The following POLR3B variants were observed in gnomAD, a reference collection of about 807,000 sequenced individuals.
POLR3B encodes the protein DNA-directed RNA polymerase III subunit RPC2.
A neutral mutation model predicts 147.4 loss-of-function variants in POLR3B; 96 were observed. The ratio of observed to expected loss-of-function variants is 0.65; its 90% CI spans 0.55 to 0.77. The LOEUF (loss-of-function observed/expected upper bound fraction) is 0.77, where lower values mean the gene tolerates loss of function less well. Among genes scored for constraint, POLR3B ranks in the 30% least tolerant of loss-of-function variants. The probability of loss-of-function intolerance (pLI) is 0.00; values close to 1 mark genes in which losing one functional copy is unlikely to be tolerated. For missense variants in POLR3B, 1,036 were observed against 1,413.5 expected (o/e 0.73, Z 4.28); for synonymous variants, 461 against 485.9 (o/e 0.95, Z 0.67).
chr12:106,446,260 G>A (rs1287465021), intron 19 of POLR3B: 8 of 455,776 alleles, frequency 1.8e-5, no homozygotes, highest in Admixed American at 7.1e-5. Flanking sequence ...CAGAATTAAC[G>A]GAAGACTAAT....
chr12:106,507,827 T>A, intron 27 of POLR3B: 1 of 455,826 alleles, frequency 2.2e-6, no homozygotes, highest in Non-Finnish European at 4.4e-6. Context: ...TAATACAAGC[T>A]TTATTTTACT....
chr12:106,503,453 A>G (rs575041318), intron 26 of POLR3B, among the ~76,000 whole-genome samples: 1 of 152,236 alleles, frequency 6.6e-6, no homozygotes, highest in South Asian at 2.1e-4. Context: ...TTCCCCCCAA[A>G]TAATTTGTGT....
At chr12:106,378,878 C>T (rs1054285887) in intron 8 of POLR3B, among the ~76,000 whole-genome samples, 6 of 152,238 alleles carry the variant, frequency 3.9e-5, no homozygotes, top group Non-Finnish European at 5.9e-5. Flanking sequence ...GTCTCCCTTT[C>T]GAGGCTTCTG....
At chr12:106,459,122 C>T in intron 21 of POLR3B, 129 bp from the exon 22 acceptor site, 1 of 703,468 alleles carries the variant, frequency 1.4e-6, no homozygotes, top group South Asian at 1.4e-5. Context: ...AACCTAGGTT[C>T]AAGCAGTCCT....
Position 106,437,050 on chromosome 12 carries a change from A to G in POLR3B, c.1782-7A>G. The G allele has an allele frequency of 6.2e-7, 1 of 1,611,066 alleles. No homozygotes were observed. The highest frequency in any genetic ancestry group is 8.5e-7 in the Non-Finnish European group (1 of 1,177,720). On this transcript the variant is annotated splice_polypyrimidine_tract_variant and splice_region_variant and intron_variant, in intron 16 of 27. Transcript: ENST00000228347. ...ATTATTAATTTGGTTTGCTGTTTCCATTCTAGACCCTACATAATTGTCAAG... is the reference window on the plus strand; with the variant it reads ...ATTATTAATTTGGTTTGCTGTTTCCGTTCTAGACCCTACATAATTGTCAAG...
intron 18 of POLR3B, among the ~76,000 whole-genome samples, chr12:106,440,241 T>C (rs912928544): frequency 4.8e-4 from 73 of 152,110 alleles, no homozygotes; most frequent in African/African-American, 1.7e-3. Context: ...TCCAAATACA[T>C]CTGGAATCTG....
chr12:106,472,436 A>G (rs1037338800), intron 23 of POLR3B, among the ~76,000 whole-genome samples: 4 of 148,274 alleles, frequency 2.7e-5, no homozygotes, highest in Admixed American at 2.7e-4. Flanking sequence ...AGGAATCGCC[A>G]CACTGACTTC....
chr12:106,410,981 A>G (rs1365893955), intron 12 of POLR3B, 21 bp downstream of exon 12: 1 of 1,605,492 alleles, frequency 6.2e-7, no homozygotes, highest in Non-Finnish European at 8.5e-7. Context: ...ATTTTATGTC[A>G]GAAATCTTGT....
At chr12:106,446,462 A>G (rs2037726737) in intron 19 of POLR3B, 2 of 335,322 alleles carry the variant, frequency 6.0e-6, no homozygotes, top group Admixed American at 8.4e-5. Context: ...TATATGTGGC[A>G]ATGAGTATCT....
At chr12:106,405,551 C>CAT (rs1289674255) in intron 10 of POLR3B, among the ~76,000 whole-genome samples, 6 of 150,404 alleles carry the variant, frequency 4.0e-5, no homozygotes, top group African/African-American at 1.5e-4. Context: ...CACACACACA[C>CAT]ACACACACAC....
intron 9 of POLR3B, among the ~76,000 whole-genome samples, chr12:106,380,909 C>G (rs1029169117): frequency 6.6e-5 from 10 of 152,192 alleles, no homozygotes; most frequent in African/African-American, 2.4e-4. Context: ...AAGCTAATAT[C>G]ACAGTAAAGT....
intron 14 of POLR3B, among the ~76,000 whole-genome samples, chr12:106,431,991 G>A (rs910517548): frequency 2.0e-5 from 3 of 152,136 alleles, no homozygotes; most frequent in Non-Finnish European, 4.4e-5. Flanking sequence ...TGACTGTAAT[G>A]TTCCAATGTC....
At chr12:106,363,979 TA>T in intron 2 of POLR3B, 77 bp downstream of exon 2, 1 of 1,098,114 alleles carries the variant, frequency 9.1e-7, no homozygotes. Flanking sequence ...TTTTAAAGAT[TA>T]AATTTTTGTC....
At chr12:106,471,511 T>G (rs1268034251) in intron 23 of POLR3B, among the ~76,000 whole-genome samples, 1 of 151,902 alleles carries the variant, frequency 6.6e-6, no homozygotes, top group Non-Finnish European at 1.5e-5. Context: ...ACCAGGTACC[T>G]CAGTTGGAAA....
At chr12:106,395,057 C>T (rs1157101916) in intron 10 of POLR3B, among the ~76,000 whole-genome samples, 1 of 152,078 alleles carries the variant, frequency 6.6e-6, no homozygotes, top group Non-Finnish European at 1.5e-5. Context: ...TGATAAGACC[C>T]CATCTCTACA....
chr12:106,508,620 A>G lies in POLR3B; in HGVS notation c.3273-800A>G, dbSNP rs1565920344. 3.3e-5 allele frequency among the ~76,000 whole-genome samples: 5 copies of G among 152,234 alleles called. No homozygotes were observed. In the South Asian group the frequency reaches 1.0e-3, roughly 31 times the overall value. On this transcript the variant is annotated intron_variant, in intron 27 of 27. Transcript: ENST00000228347. ...CAGGGACCCTTCTACAGTTGTAGCC[A>G]TTGATTAAGAACTAAGTTCAGTTTA...
chr12:106,461,288 A>G (rs2037930727), intron 22 of POLR3B, among the ~76,000 whole-genome samples: 1 of 152,034 alleles, frequency 6.6e-6, no homozygotes, highest in Non-Finnish European at 1.5e-5. Flanking sequence ...AAAACAAAAA[A>G]TACAATATGT....
Position 106,504,099 on chromosome 12 carries a change from G to T in POLR3B, c.3117G>T (p.Arg1039=). The change falls in exon 27 of 28, where the codon CGG becomes CGT. Residue 1039 remains arginine (R), a synonymous_variant. Coordinates refer to ENST00000228347, the MANE Select transcript of POLR3B (RefSeq NM_018082.6). This position sits in a 1 kb window ranked among gnomAD's most constrained non-coding sequence, Gnocchi z 4.6. ...AVLTRQPTEG[R]SRDGGLRLGE... is the part of the protein sequence containing the mutation. ...TTCAAAGGCAACCCACTGAAGGACG[G>T]TCTCGTGATGGTGGCTTGCGTCTCG... The T allele has an allele frequency of 6.2e-7, 1 of 1,614,080 alleles. No individual in the cohort carries two copies. Among genetic ancestry groups the T allele is most frequent in the Non-Finnish European group, 8.5e-7 (1 of 1,179,964 alleles).
At chr12:106,424,231 A>G (rs2037407887) in intron 12 of POLR3B, among the ~76,000 whole-genome samples, 1 of 151,978 alleles carries the variant, frequency 6.6e-6, no homozygotes, top group African/African-American at 2.4e-5. Context: ...AATCTAGAGG[A>G]TAGATGGTAT....
Sources: allele counts gnomAD v4.1 joint callset (sites outside exome capture counted in the v4.1 genomes callset), GRCh38; gene constraint gnomAD v4.1.1; non-coding constraint Gnocchi (gnomAD v3.1); transcripts MANE v1.5; gene names NCBI Gene and HGNC (gene_info 2026-07-23, HGNC 2026-07-21).